The following CADM2 variants were observed in gnomAD, a reference collection of about 807,000 sequenced individuals.
CADM2 encodes the protein cell adhesion molecule 2.
In CADM2, 12 loss-of-function variants were observed where a neutral mutation model predicts 49.8. That is an observed-to-expected ratio of 0.24 (90% CI 0.15 to 0.39). The LOEUF (loss-of-function observed/expected upper bound fraction) is 0.39. CADM2 is among the 10% of genes least tolerant of loss of function. CADM2 has a pLI of 1.00. For synonymous variants in CADM2, 214 were observed against 175.4 expected (o/e 1.22, Z -1.74); for missense variants, 378 against 492.3 (o/e 0.77, Z 2.20).
chr3:85,157,289 C>G (rs2040160796), intron 1 of CADM2, among the ~76,000 whole-genome samples: 1 of 150,714 alleles, frequency 6.6e-6, no homozygotes, highest in Non-Finnish European at 1.5e-5. Context: ...GATTCAATGC[C>G]ATCCCCATCA....
chr3:85,269,201 A>G (rs1170295068), intron 1 of CADM2, among the ~76,000 whole-genome samples: 1 of 151,450 alleles, frequency 6.6e-6, no homozygotes, highest in African/African-American at 2.4e-5. Context: ...TTCTAATAAT[A>G]AAAAATAATT....
intron 1 of CADM2, among the ~76,000 whole-genome samples, chr3:85,411,856 G>A (rs1308697227): frequency 6.6e-6 from 1 of 151,918 alleles, no homozygotes; most frequent in African/African-American, 2.4e-5. Flanking sequence ...TTATTTTTTT[G>A]AGATGGGGTC....
chr3:85,804,337 TA>T lies in CADM2; in HGVS notation c.238+2143del, dbSNP rs1468092735. ...TATTTAAAGTAATATGGAAAAATAT[TA>T]ATTTATAAATACTACTTTTTTCCAT... On this transcript the variant is annotated intron_variant, in intron 3 of 9. Transcript: ENST00000383699. Among the ~76,000 whole-genome samples, 6 of 152,240 alleles carry T rather than the reference TA, an allele frequency of 3.9e-5. No homozygotes were observed. The East Asian group carries it at 7.7e-4, about 20-fold the overall frequency.
intron 8 of CADM2, among the ~76,000 whole-genome samples, chr3:86,004,166 A>C (rs1477891201): frequency 6.8e-6 from 1 of 147,702 alleles, no homozygotes; most frequent in Non-Finnish European, 1.5e-5. Flanking sequence ...CAAAACAAAA[A>C]ACGAAGAGTT....
At chr3:85,503,058 G>T (rs1046217101) in intron 1 of CADM2, among the ~76,000 whole-genome samples, 1 of 150,640 alleles carries the variant, frequency 6.6e-6, no homozygotes, top group African/African-American at 2.4e-5. Flanking sequence ...CTAAGTTTTA[G>T]TTGAAATGGT....
At chr3:85,582,339 A>C (rs961661411) in intron 1 of CADM2, among the ~76,000 whole-genome samples, 5 of 152,220 alleles carry the variant, frequency 3.3e-5, no homozygotes, top group African/African-American at 1.2e-4. Flanking sequence ...AATTAGGTGA[A>C]TCAATCAATG....
At chr3:84,999,143 GTTTATGTATGCAATGTTAGC>G (rs901238895) in intron 1 of CADM2, among the ~76,000 whole-genome samples, 4 of 152,152 alleles carry the variant, frequency 2.6e-5, no homozygotes, top group African/African-American at 9.6e-5. Context: ...TTTTGGAGAG[GTTTATGTATGCAATGTTAGC>G]TTTATGTAGG....
intron 1 of CADM2, among the ~76,000 whole-genome samples, chr3:85,340,644 G>T (rs1298934100): frequency 6.6e-6 from 1 of 151,530 alleles, no homozygotes; most frequent in Non-Finnish European, 1.5e-5. Flanking sequence ...AAGAGAATTA[G>T]AATAGATTTT....
At chr3:85,450,919 A>G (rs760320669) in intron 1 of CADM2, among the ~76,000 whole-genome samples, 3 of 152,044 alleles carry the variant, frequency 2.0e-5, no homozygotes, top group Non-Finnish European at 4.4e-5. Context: ...AATATTGTTA[A>G]TTATTGGTTA....
chr3:85,959,150 A>ATCTATCTCTCTCTC (rs141472491), intron 7 of CADM2, among the ~76,000 whole-genome samples: 3 of 145,344 alleles, frequency 2.1e-5, no homozygotes, highest in Admixed American at 1.4e-4. Flanking sequence ...TTATCTATCT[A>ATCTATCTCTCTCTC]TCTCTCTCTC....
intron 1 of CADM2, among the ~76,000 whole-genome samples, chr3:85,324,227 T>C (rs1393626865): frequency 6.6e-6 from 1 of 152,162 alleles, no homozygotes; most frequent in African/African-American, 2.4e-5. Context: ...ATTCTTTCTC[T>C]CTTTTAGAGG....
At chr3:85,102,373 T>C (rs2038049729) in intron 1 of CADM2, among the ~76,000 whole-genome samples, 1 of 152,178 alleles carries the variant, frequency 6.6e-6, no homozygotes, top group African/African-American at 2.4e-5. Context: ...GTTAAAACAT[T>C]TGATAGTTTA....
rs1251505613 is a variant in CADM2 at position 85,371,677 on chromosome 3, G to GTGTGTGTGTATA, written c.62-354844_62-354843insGTGTGTGTATAT. 9.5e-5 allele frequency among the ~76,000 whole-genome samples: 9 copies of GTGTGTGTGTATA among 95,132 alleles called. No individual in the cohort carries two copies. In the Admixed American group the frequency reaches 1.0e-3, roughly 11 times the overall value. The allele number at this position is 95,132 out of a possible 152,430, so 62.4% of individuals were successfully genotyped here. A position where few individuals can be genotyped will look rare whatever the true frequency, so the allele number is the denominator to read the frequency against. ...TATATATATATGTGTGTGTGTGTGTGTATATATATATATATATATATATAT... is the reference window on the plus strand; with the variant it reads ...TATATATATATGTGTGTGTGTGTGTGTGTGTGTGTATATATATATATATATATATATATATAT... On this transcript the variant is annotated intron_variant, in intron 1 of 9. Transcript: ENST00000383699.
intron 1 of CADM2, among the ~76,000 whole-genome samples, chr3:85,072,569 G>A (rs1000758489): frequency 6.6e-6 from 1 of 152,042 alleles, no homozygotes; most frequent in Non-Finnish European, 1.5e-5. Context: ...ATAGATTATA[G>A]TTTCTGCTCT....
At chr3:85,559,287 T>A (rs1180797454) in intron 1 of CADM2, among the ~76,000 whole-genome samples, 2 of 152,082 alleles carry the variant, frequency 1.3e-5, no homozygotes, top group East Asian at 3.8e-4. Flanking sequence ...CAATAGGAAT[T>A]AATTTTCTAG....
chr3:85,036,722 G>C (rs571510474), intron 1 of CADM2, among the ~76,000 whole-genome samples: 1 of 152,092 alleles, frequency 6.6e-6, no homozygotes, highest in Admixed American at 6.5e-5. Context: ...AAACCTAATA[G>C]TTTAGTTATG....
At chr3:85,655,982 T>TTA (rs2065184749) in intron 1 of CADM2, among the ~76,000 whole-genome samples, 1 of 151,864 alleles carries the variant, frequency 6.6e-6, no homozygotes, top group Non-Finnish European at 1.5e-5. Flanking sequence ...TTTTTTTTTT[T>TTA]AATTCTCTTC....
At chr3:85,296,606 C>G (rs189267749) in intron 1 of CADM2, among the ~76,000 whole-genome samples, 1 of 152,120 alleles carries the variant, frequency 6.6e-6, no homozygotes, top group East Asian at 1.9e-4. Flanking sequence ...ACCTTAGAGT[C>G]TCACTCCTTA....
At chr3:85,912,627 G>A in intron 6 of CADM2, 84 bp downstream of exon 6, 2 of 1,375,892 alleles carry the variant, frequency 1.5e-6, no homozygotes, top group Non-Finnish European at 2.0e-6. Flanking sequence ...ACTACCTGAA[G>A]TTATAGCAAA....
Sources: allele counts gnomAD v4.1 joint callset (sites outside exome capture counted in the v4.1 genomes callset), GRCh38; gene constraint gnomAD v4.1.1; transcripts MANE v1.5; gene names NCBI Gene and HGNC (gene_info 2026-07-23, HGNC 2026-07-21).